Variants in CNTN3 observed in about 807,000 individuals in gnomAD.
CNTN3 encodes contactin-3.
A neutral mutation model predicts 119.1 loss-of-function variants in CNTN3; 60 were observed. The observed-to-expected ratio is 0.50, with a 90% CI of 0.41 to 0.62. CNTN3 has a LOEUF of 0.62. Among genes scored for constraint, CNTN3 ranks in the 20% least tolerant of loss-of-function variants. CNTN3 has a pLI of 0.00. For synonymous variants in CNTN3, 450 were observed against 438.7 expected, an observed-to-expected ratio of 1.03 and a Z score of -0.32; for missense variants, 1,101 against 1,242.4, an observed-to-expected ratio of 0.89 and a Z score of 1.71.
At chr3:74,318,338 G>A (rs71319846) in intron 13 of CNTN3, among the ~76,000 whole-genome samples, 34 of 152,176 alleles carry the variant, frequency 2.2e-4, no homozygotes, top group Non-Finnish European at 3.2e-4. Flanking sequence ...CTCTCAGCTC[G>A]TCAAAGTCAT....
At chr3:74,570,798 T>C (rs534649768) in intron 1 of CNTN3, among the ~76,000 whole-genome samples, 16 of 152,246 alleles carry the variant, frequency 1.1e-4, no homozygotes, top group African/African-American at 2.6e-4. Flanking sequence ...TTAGAGTAAA[T>C]TGGAGAGATG....
intron 20 of CNTN3, among the ~76,000 whole-genome samples, chr3:74,281,326 C>A (rs748965545): frequency 3.9e-5 from 6 of 151,950 alleles, no homozygotes; most frequent in Non-Finnish European, 7.4e-5. Context: ...TATTTTATTT[C>A]TTTATTTTTA....
chr3:74,587,611 G>C (rs1575848955), intron 1 of CNTN3, among the ~76,000 whole-genome samples: 1 of 152,036 alleles, frequency 6.6e-6, no homozygotes, highest in Non-Finnish European at 1.5e-5. Flanking sequence ...ACTGATACAT[G>C]AGCAAAGACA....
At chr3:74,444,155 C>T (rs1702012283) in intron 4 of CNTN3, among the ~76,000 whole-genome samples, 1 of 152,112 alleles carries the variant, frequency 6.6e-6, no homozygotes, top group South Asian at 2.1e-4. Flanking sequence ...TGACACCAAT[C>T]ACATTGGATT....
chr3:74,532,175 T>C (rs1038577371), intron 1 of CNTN3, among the ~76,000 whole-genome samples: 6 of 151,982 alleles, frequency 3.9e-5, no homozygotes, highest in African/African-American at 7.2e-5. Flanking sequence ...GTGTGAATAA[T>C]GGGTGAAGAA....
chr3:74,607,865 C>T (rs1705018866), intron 1 of CNTN3, among the ~76,000 whole-genome samples: 1 of 152,166 alleles, frequency 6.6e-6, no homozygotes, highest in Non-Finnish European at 1.5e-5. Context: ...ACATGAACCT[C>T]TACATGGGAT....
At chr3:74,339,676 C>A (rs903725234) in intron 11 of CNTN3, among the ~76,000 whole-genome samples, 1 of 152,022 alleles carries the variant, frequency 6.6e-6, no homozygotes, top group Non-Finnish European at 1.5e-5. Flanking sequence ...AATTTTTAGA[C>A]CCTTGAAAAG....
chr3:74,609,809 T>C (rs904632215), intron 1 of CNTN3, among the ~76,000 whole-genome samples: 1 of 152,096 alleles, frequency 6.6e-6, no homozygotes, highest in Non-Finnish European at 1.5e-5. Context: ...TTTGCAATAA[T>C]GCATAAAATA....
rs889442313 is a variant in CNTN3, at chr3:74,266,471, A to G, written c.2986+10T>C. ...GTCAATAAAGTAAATAATGGCTTCA[A>G]CCAACTTACTGGTTATTCGTGGAAT... is the stretch of plus-strand genomic sequence containing the variant. On this transcript the variant is annotated intron_variant, in intron 22 of 22. Coordinates refer to ENST00000263665, the MANE Select transcript of CNTN3 (RefSeq NM_020872.3). 1.2e-6 allele frequency: 2 copies of G among 1,611,672 alleles called. No individual in the cohort carries two copies. The highest frequency in any genetic ancestry group is 1.7e-5 in the Admixed American group (1 of 59,950).
chr3:74,342,681 C>T (rs115285474), intron 11 of CNTN3, among the ~76,000 whole-genome samples: 10 of 152,222 alleles, frequency 6.6e-5, no homozygotes, highest in South Asian at 4.1e-4. Context: ...TGTTGCTAAA[C>T]GCATATTAAC....
At chr3:74,286,251 A>G (rs1702114431) in intron 19 of CNTN3, among the ~76,000 whole-genome samples, 1 of 152,136 alleles carries the variant, frequency 6.6e-6, no homozygotes, top group African/African-American at 2.4e-5. Context: ...CATACGAGGA[A>G]CCCTGCTAGC....
At chr3:74,352,018 T>G (rs1559559255) in intron 11 of CNTN3, among the ~76,000 whole-genome samples, 3 of 152,210 alleles carry the variant, frequency 2.0e-5, no homozygotes, top group African/African-American at 7.2e-5. Context: ...CCCAGGCATC[T>G]CAATCATCTC....
intron 5 of CNTN3, among the ~76,000 whole-genome samples, chr3:74,397,991 A>T (rs528728748): frequency 6.6e-6 from 1 of 152,330 alleles, no homozygotes; most frequent in East Asian, 1.9e-4. Context: ...TCAATGGATA[A>T]GGAGTTGCTT....
intron 13 of CNTN3, among the ~76,000 whole-genome samples, chr3:74,311,897 C>A (rs888523545): frequency 7.9e-5 from 12 of 152,172 alleles, no homozygotes; most frequent in Admixed American, 1.3e-4. Context: ...GTAAAAACAT[C>A]CCCAGGAACC....
intron 13 of CNTN3, among the ~76,000 whole-genome samples, chr3:74,322,169 C>CAAAAAAAAAAAAA (rs35201394): frequency 1.1e-5 from 1 of 94,178 alleles, no homozygotes; most frequent in Non-Finnish European, 2.2e-5. Context: ...CTGGGTGACT[C>CAAAAAAAAAAAAA]AAAAAAAAAA....
chr3:74,589,639 T>C (rs1256019385), intron 1 of CNTN3, among the ~76,000 whole-genome samples: 1 of 146,426 alleles, frequency 6.8e-6, no homozygotes, highest in East Asian at 2.0e-4. Flanking sequence ...ATCATGCTGC[T>C]ATAAAGACAC....
chr3:74,278,150 C>T lies in CNTN3; in HGVS notation c.2704+7155G>A, dbSNP rs151263238. Among the ~76,000 whole-genome samples, 928 of 151,932 alleles carry T rather than the reference C, an allele frequency of 6.1e-3. 9 individuals carry two copies. The highest frequency in any genetic ancestry group is 0.021 in the African/African-American group (883 of 41,448). On this transcript the variant is annotated intron_variant, in intron 20 of 22. Transcript: ENST00000263665. ...CAAATGGAAACACATCCCATGCTCACGGATGGGTAGAATTAATATTGTGAA... is the reference window on the plus strand; with the variant it reads ...CAAATGGAAACACATCCCATGCTCATGGATGGGTAGAATTAATATTGTGAA...
intron 11 of CNTN3, among the ~76,000 whole-genome samples, chr3:74,357,904 A>T (rs945144713): frequency 6.6e-6 from 1 of 152,118 alleles, no homozygotes; most frequent in Non-Finnish European, 1.5e-5. Flanking sequence ...GCATTTTTAA[A>T]GTTGTAACAA....
chr3:74,518,769 T>C (rs977749586), intron 2 of CNTN3, among the ~76,000 whole-genome samples: 1 of 151,876 alleles, frequency 6.6e-6, no homozygotes, highest in African/African-American at 2.4e-5. Flanking sequence ...TTGCATGACA[T>C]AGAATGGAAG....
Sources: allele counts gnomAD v4.1 joint callset (sites outside exome capture counted in the v4.1 genomes callset), GRCh38; gene constraint gnomAD v4.1.1; transcripts MANE v1.5; gene names NCBI Gene and HGNC (gene_info 2026-07-23, HGNC 2026-07-21).